Variants in ASIC2 observed in about 807,000 individuals in gnomAD.
ASIC2 encodes acid-sensing ion channel 2.
In ASIC2, 25 loss-of-function variants were observed where a neutral mutation model predicts 57.3. The observed-to-expected ratio is 0.44, with a 90% CI of 0.32 to 0.61. ASIC2 has a LOEUF of 0.61. Ranked by LOEUF, ASIC2 falls within the 20% of genes least tolerant of loss-of-function variation. The pLI, the probability that ASIC2 is intolerant of heterozygous loss-of-function variation, is 0.06. For synonymous variants in ASIC2, 319 were observed against 307.5 expected, an observed-to-expected ratio of 1.04 and a Z score of -0.39; for missense variants, 641 against 738.1, an observed-to-expected ratio of 0.87 and a Z score of 1.52.
At chr17:33,299,003 G>A (rs1438396398) in intron 1 of ASIC2, among the ~76,000 whole-genome samples, 1 of 152,176 alleles carries the variant, frequency 6.6e-6, no homozygotes, top group African/African-American at 2.4e-5. Context: ...TTGTGAAAAT[G>A]GCCATACTGC....
intron 1 of ASIC2, among the ~76,000 whole-genome samples, chr17:33,706,575 C>T (rs1281112378): frequency 6.6e-6 from 1 of 152,112 alleles, no homozygotes; most frequent in African/African-American, 2.4e-5. Context: ...TGTACCATAG[C>T]AGTTCTGTGT....
intron 1 of ASIC2, among the ~76,000 whole-genome samples, chr17:33,387,867 G>A (rs1391182446): frequency 2.0e-5 from 3 of 152,162 alleles, no homozygotes; most frequent in Non-Finnish European, 2.9e-5. Flanking sequence ...AAGAAAAGGC[G>A]ATGTGAATTT....
chr17:33,898,928 CAT>C (rs1274698840), intron 1 of ASIC2, among the ~76,000 whole-genome samples: 2 of 152,144 alleles, frequency 1.3e-5, no homozygotes, highest in African/African-American at 4.8e-5. Context: ...AAGTAAGTCA[CAT>C]GTTACTCTGA....
chr17:33,676,800 A>G (rs3115687), intron 1 of ASIC2, among the ~76,000 whole-genome samples: 51,724 of 152,106 alleles, frequency 0.34, 10,837 homozygotes, highest in African/African-American at 0.6. Context: ...GCTTGAATAC[A>G]TGTCTCCACC....
chr17:33,843,031 C>T (rs1019339399), intron 1 of ASIC2, among the ~76,000 whole-genome samples: 1 of 152,230 alleles, frequency 6.6e-6, no homozygotes, highest in African/African-American at 2.4e-5. Flanking sequence ...AAGTATTCAA[C>T]AGAGAAAAAC....
intron 1 of ASIC2, among the ~76,000 whole-genome samples, chr17:33,261,332 T>C (rs1909272962): frequency 6.6e-6 from 1 of 152,302 alleles, no homozygotes; most frequent in Middle Eastern, 3.4e-3. Flanking sequence ...AATCCTCCTG[T>C]TGTTTGTGGA....
At chr17:33,494,205 G>A in intron 1 of ASIC2, among the ~76,000 whole-genome samples, 1 of 152,162 alleles carries the variant, frequency 6.6e-6, no homozygotes, top group South Asian at 2.1e-4. Flanking sequence ...AGCATCAGAG[G>A]CCTTCTGCGT....
At chr17:33,282,928 C>T (rs1189172060) in intron 1 of ASIC2, among the ~76,000 whole-genome samples, 1 of 152,214 alleles carries the variant, frequency 6.6e-6, no homozygotes, top group African/African-American at 2.4e-5. Flanking sequence ...TTAAAAATCA[C>T]ATCTGCAAAG....
At chr17:33,621,229 GTAATA>G (rs1298114508) in intron 1 of ASIC2, among the ~76,000 whole-genome samples, 3 of 152,176 alleles carry the variant, frequency 2.0e-5, no homozygotes, top group Non-Finnish European at 2.9e-5. Context: ...TATAACGTAA[GTAATA>G]TAATAGAATG....
intron 1 of ASIC2, among the ~76,000 whole-genome samples, chr17:34,033,046 A>G (rs573075232): frequency 6.6e-6 from 1 of 152,320 alleles, no homozygotes; most frequent in African/African-American, 2.4e-5. Flanking sequence ...TCCACCCCAA[A>G]TCAACAGAAT....
chr17:33,084,636 A>G (rs2092127531), intron 3 of ASIC2, among the ~76,000 whole-genome samples: 1 of 152,256 alleles, frequency 6.6e-6, no homozygotes, highest in African/African-American at 2.4e-5. Flanking sequence ...ATTAAATGAG[A>G]TAATGTGCCT....
intron 1 of ASIC2, among the ~76,000 whole-genome samples, chr17:33,351,821 G>C (rs944026872): frequency 2.6e-5 from 4 of 152,166 alleles, no homozygotes; most frequent in African/African-American, 9.7e-5. Context: ...ACTCAGAACA[G>C]GGAAGGAAGA....
intron 1 of ASIC2, among the ~76,000 whole-genome samples, chr17:33,228,234 C>G (rs1907958326): frequency 6.6e-6 from 1 of 152,134 alleles, no homozygotes; most frequent in African/African-American, 2.4e-5. Flanking sequence ...ATAAAATGCT[C>G]TGGAACTAGA....
intron 1 of ASIC2, among the ~76,000 whole-genome samples, chr17:33,611,155 C>A (rs1031542019): frequency 1.2e-4 from 19 of 152,188 alleles, no homozygotes; most frequent in Non-Finnish European, 2.4e-4. Flanking sequence ...ACTAGCCCTC[C>A]TGGTGCTGCC....
chr17:33,183,315 A>G (rs1906060114), intron 1 of ASIC2, among the ~76,000 whole-genome samples: 1 of 152,252 alleles, frequency 6.6e-6, no homozygotes, highest in South Asian at 2.1e-4. Flanking sequence ...TATATAAATT[A>G]CCAACTAAGA....
chr17:33,624,799 T>C (rs1164261726), intron 1 of ASIC2, among the ~76,000 whole-genome samples: 1 of 152,204 alleles, frequency 6.6e-6, no homozygotes, highest in African/African-American at 2.4e-5. Context: ...GGGCTAAGCA[T>C]TTGGGGTCTA....
intron 1 of ASIC2, among the ~76,000 whole-genome samples, chr17:33,358,267 G>C (rs1324677041): frequency 6.6e-6 from 1 of 152,330 alleles, no homozygotes; most frequent in East Asian, 1.9e-4. Flanking sequence ...CAGAAGAATA[G>C]TTGAGTCAGA....
chr17:33,876,603 G>A (rs1055967265), intron 1 of ASIC2, among the ~76,000 whole-genome samples: 5 of 152,088 alleles, frequency 3.3e-5, no homozygotes, highest in African/African-American at 1.2e-4. Flanking sequence ...TTATAAATAA[G>A]GAAAATAAAT....
At chr17:33,561,189 G>A (rs1352043804) in intron 1 of ASIC2, among the ~76,000 whole-genome samples, 2 of 152,186 alleles carry the variant, frequency 1.3e-5, no homozygotes, top group Non-Finnish European at 2.9e-5. Context: ...CCCCACTCAT[G>A]AAGGCCAACA....
Sources: allele counts gnomAD v4.1 joint callset (sites outside exome capture counted in the v4.1 genomes callset), GRCh38; gene constraint gnomAD v4.1.1; transcripts MANE v1.5; gene names NCBI Gene and HGNC (gene_info 2026-07-23, HGNC 2026-07-21).